LRBA: variants seen among roughly 807,000 people sequenced by gnomAD.
The protein encoded by LRBA is LPS responsive beige-like anchor protein, also known as lipopolysaccharide-responsive and beige-like anchor protein.
A neutral mutation model predicts 330.0 loss-of-function variants in LRBA; 176 were observed. That is an observed-to-expected ratio of 0.53 (90% confidence interval 0.47 to 0.60). The LOEUF (loss-of-function observed/expected upper bound fraction) is 0.60, where lower values mean the gene tolerates loss of function less well. Among genes scored for constraint, LRBA ranks in the 20% least tolerant of loss-of-function variants. The pLI, the probability that LRBA is intolerant of heterozygous loss-of-function variation, is 0.00. For missense variants in LRBA, 3,259 were observed against 3,444.8 expected (o/e 0.95, Z 1.35); for synonymous variants, 1,230 against 1,193.0 (o/e 1.03, Z -0.64).
intron 40 of LRBA, among the ~76,000 whole-genome samples, chr4:150,516,963 T>C (rs1161799449): frequency 6.6e-6 from 1 of 152,176 alleles, no homozygotes; most frequent in Non-Finnish European, 1.5e-5. Context: ...GACTTTGAAA[T>C]CCAATGCAAA....
At chr4:150,602,297 A>G (rs1339785523) in intron 37 of LRBA, among the ~76,000 whole-genome samples, 1 of 152,204 alleles carries the variant, frequency 6.6e-6, no homozygotes, top group Non-Finnish European at 1.5e-5. Context: ...CAAAGTTCTC[A>G]TGTAATAGAC....
intron 53 of LRBA, among the ~76,000 whole-genome samples, chr4:150,288,704 C>G (rs1373798994): frequency 6.7e-6 from 1 of 149,830 alleles, no homozygotes; most frequent in Non-Finnish European, 1.5e-5. Context: ...TCTGAAATTA[C>G]TGTCTAATTA....
chr4:150,914,800 A>G (rs1392614989), intron 8 of LRBA, among the ~76,000 whole-genome samples: 1 of 152,154 alleles, frequency 6.6e-6, no homozygotes, highest in Non-Finnish European at 1.5e-5. Context: ...CCTTTTTTGT[A>G]CTAAAAAAGA....
At chr4:150,680,246 C>G (rs1444499592) in intron 37 of LRBA, among the ~76,000 whole-genome samples, 1 of 152,266 alleles carries the variant, frequency 6.6e-6, no homozygotes, top group Non-Finnish European at 1.5e-5. Context: ...CCTGAAATCT[C>G]TAAGCATTTG....
chr4:150,898,271 GC>G (rs1180681815), intron 14 of LRBA, among the ~76,000 whole-genome samples: 3 of 151,960 alleles, frequency 2.0e-5, no homozygotes, highest in Non-Finnish European at 4.4e-5. Context: ...CATTATATAA[GC>G]TAATACAGAA....
At chr4:150,936,216 A>G (rs776083632) in intron 2 of LRBA, among the ~76,000 whole-genome samples, 25 of 152,152 alleles carry the variant, frequency 1.6e-4, no homozygotes, top group Non-Finnish European at 2.9e-4. Flanking sequence ...AACTAAACAT[A>G]TAATTGTGTT....
intron 44 of LRBA, among the ~76,000 whole-genome samples, chr4:150,454,294 T>C (rs1252641384): frequency 6.6e-6 from 1 of 152,116 alleles, no homozygotes; most frequent in Non-Finnish European, 1.5e-5. Flanking sequence ...TAAGGTAAGC[T>C]ACATGGTCAA....
rs552496553 is a variant in LRBA at position 150,507,356 on chromosome 4, C to T, written c.6331-16321G>A. On this transcript the variant is annotated intron_variant, in intron 40 of 56. Coordinates refer to ENST00000651943, the MANE Select transcript of LRBA (RefSeq NM_001364905.1). ...TACAAGGCTACAGTAACCAAAACAGCATGGTACTGGTATCAAAACAGAGAT... is the reference window on the plus strand; with the variant it reads ...TACAAGGCTACAGTAACCAAAACAGTATGGTACTGGTATCAAAACAGAGAT... 3.9e-5 allele frequency among the ~76,000 whole-genome samples: 6 copies of T among 152,286 alleles called. No individual in the cohort carries two copies. The South Asian group carries it at 1.0e-3, about 26-fold the overall frequency.
chr4:150,787,857 T>A (rs1020159885), intron 34 of LRBA, among the ~76,000 whole-genome samples: 3 of 152,222 alleles, frequency 2.0e-5, no homozygotes, highest in Non-Finnish European at 4.4e-5. Flanking sequence ...AGTTCAACTG[T>A]TGCTTCCAAA....
intron 40 of LRBA, among the ~76,000 whole-genome samples, chr4:150,559,639 T>C (rs1767831987): frequency 1.6e-5 from 1 of 61,044 alleles, no homozygotes; most frequent in Non-Finnish European, 3.0e-5. Context: ...AATATATATT[T>C]ATATAATATA....
chr4:150,622,101 G>A (rs936834046), intron 37 of LRBA, among the ~76,000 whole-genome samples: 1 of 152,176 alleles, frequency 6.6e-6, no homozygotes, highest in East Asian at 1.9e-4. Flanking sequence ...GGGCTAGAAA[G>A]ACACTGAAGT....
intron 2 of LRBA, among the ~76,000 whole-genome samples, chr4:150,968,626 A>G (rs1358324688): frequency 6.6e-6 from 1 of 152,226 alleles, no homozygotes; most frequent in Non-Finnish European, 1.5e-5. Flanking sequence ...AAGCCAGCAG[A>G]GGCTTAAGGA....
chr4:150,629,327 T>C (rs1777150897), intron 37 of LRBA, among the ~76,000 whole-genome samples: 1 of 152,222 alleles, frequency 6.6e-6, no homozygotes, highest in Non-Finnish European at 1.5e-5. Flanking sequence ...GCCCACCAAT[T>C]ATAAAATAGC....
intron 37 of LRBA, among the ~76,000 whole-genome samples, chr4:150,641,094 A>T (rs897838257): frequency 3.9e-5 from 6 of 152,100 alleles, no homozygotes; most frequent in African/African-American, 1.2e-4. Context: ...TGGAATTCAC[A>T]TACTGTGTGA....
intron 56 of LRBA, among the ~76,000 whole-genome samples, chr4:150,274,200 G>T (rs1746479023): frequency 6.6e-6 from 1 of 152,178 alleles, no homozygotes; most frequent in East Asian, 1.9e-4. Flanking sequence ...ATTTGCTCCT[G>T]AATGACTACT....
chr4:150,508,242 G>T (rs1348209621), intron 40 of LRBA, among the ~76,000 whole-genome samples: 1 of 25,606 alleles, frequency 3.9e-5, no homozygotes, highest in South Asian at 5.5e-4. Context: ...AAAAAAAAAG[G>T]GGGGGGGGGG....
intron 49 of LRBA, among the ~76,000 whole-genome samples, chr4:150,324,094 T>C (rs1196206123): frequency 6.6e-6 from 1 of 152,112 alleles, no homozygotes; most frequent in Non-Finnish European, 1.5e-5. Flanking sequence ...CGGCCTCCCA[T>C]CCTTATATGA....
chr4:150,785,727 G>A (rs936067135), intron 34 of LRBA, among the ~76,000 whole-genome samples: 2 of 152,108 alleles, frequency 1.3e-5, no homozygotes, highest in African/African-American at 4.8e-5. Context: ...AAAAAAGGTG[G>A]ATTATCACAG....
chr4:150,572,046 T>C (rs1269095636), intron 40 of LRBA, among the ~76,000 whole-genome samples: 2 of 152,064 alleles, frequency 1.3e-5, no homozygotes, highest in African/African-American at 2.4e-5. Flanking sequence ...TTAGAACATA[T>C]GTACTTTTAG....
Sources: gnomAD v4.1 joint callset for allele counts (sites outside exome capture counted in the v4.1 genomes callset) on GRCh38, gnomAD v4.1.1 for gene constraint, MANE v1.5 for transcripts, NCBI Gene and HGNC (gene_info 2026-07-23, HGNC 2026-07-21) for gene names.